The following MAML2 variants were observed in gnomAD, a reference collection of about 807,000 sequenced individuals.
The protein encoded by MAML2 is mastermind like transcriptional coactivator 2.
In MAML2, 22 loss-of-function variants were observed where a neutral mutation model predicts 96.1. That is an observed-to-expected ratio of 0.23 (90% confidence interval 0.16 to 0.33). The LOEUF (loss-of-function observed/expected upper bound fraction) is 0.33. Ranked by LOEUF, MAML2 falls within the 10% of genes least tolerant of loss-of-function variation. The pLI, the probability that MAML2 is intolerant of heterozygous loss-of-function variation, is 1.00. For missense variants in MAML2, 1,367 were observed against 1,392.4 expected, an observed-to-expected ratio of 0.98 and a Z score of 0.29; for synonymous variants, 561 against 521.3, an observed-to-expected ratio of 1.08 and a Z score of -1.04.
intron 1 of MAML2, among the ~76,000 whole-genome samples, chr11:96,203,734 C>CA (rs1591070770): frequency 6.6e-6 from 1 of 152,210 alleles, no homozygotes; most frequent in East Asian, 1.9e-4. Context: ...GAATCTGTAA[C>CA]ATACTTTGGA....
intron 1 of MAML2, among the ~76,000 whole-genome samples, chr11:96,237,880 T>C (rs1179790109): frequency 6.6e-6 from 1 of 152,260 alleles, no homozygotes; most frequent in African/African-American, 2.4e-5. Flanking sequence ...TTTGTTTGAA[T>C]GCATCCTGAC....
chr11:96,046,067 A>T (rs1167803499), intron 2 of MAML2, among the ~76,000 whole-genome samples: 1 of 152,176 alleles, frequency 6.6e-6, no homozygotes, highest in Non-Finnish European at 1.5e-5. Context: ...GCCTCCTGCC[A>T]TGCCAGCAGG....
intron 2 of MAML2, among the ~76,000 whole-genome samples, chr11:96,041,238 C>T (rs142522475): frequency 4.6e-5 from 7 of 151,994 alleles, no homozygotes; most frequent in African/African-American, 1.4e-4. Flanking sequence ...CACCAGTAAT[C>T]CCAGCACTTT....
rs1862634316 is a variant in MAML2, at chr11:96,254,536, G to C, written c.513+86847C>G. Among the ~76,000 whole-genome samples, 4 of 150,576 alleles carry C rather than the reference G, an allele frequency of 2.7e-5. 1 individual carries two copies. Among genetic ancestry groups the C allele is most frequent in the Non-Finnish European group, 5.9e-5 (4 of 67,802 alleles). Reference sequence around the variant, plus strand: ...TCAGCCAAATAGGTTTGAAAATCTTGACAAAAGGACGTTGATATTCTGGCT... The same window carrying C: ...TCAGCCAAATAGGTTTGAAAATCTTCACAAAAGGACGTTGATATTCTGGCT... On this transcript the variant is annotated intron_variant, in intron 1 of 4. Transcript: ENST00000524717.
chr11:96,336,357 A>T lies in MAML2; in HGVS notation c.513+5026T>A, dbSNP rs183613882. Among the ~76,000 whole-genome samples, 535 of 152,256 alleles carry T rather than the reference A, an allele frequency of 3.5e-3. 4 individuals carry two copies. Among genetic ancestry groups the T allele is most frequent in the African/African-American group, 0.012 (503 of 41,556 alleles). On this transcript the variant is annotated intron_variant, in intron 1 of 4. Transcript: ENST00000524717. ...TCTCTTCCTCTGATTTTTCTATATC[A>T]GTTTTGGTCCATTCTACCTGGTTAG...
At chr11:95,996,496 G>T (rs1430960599) in intron 2 of MAML2, among the ~76,000 whole-genome samples, 2 of 152,074 alleles carry the variant, frequency 1.3e-5, no homozygotes, top group East Asian at 1.9e-4. Context: ...ATTTGAAACT[G>T]GTGCTTGGGT....
chr11:96,266,109 C>T (rs1165785593), intron 1 of MAML2, among the ~76,000 whole-genome samples: 1 of 152,138 alleles, frequency 6.6e-6, no homozygotes, highest in African/African-American at 2.4e-5. Flanking sequence ...GTGTTGGAGC[C>T]CCACAGCCTG....
intron 1 of MAML2, among the ~76,000 whole-genome samples, chr11:96,197,730 A>C (rs1374129530): frequency 6.6e-6 from 1 of 152,208 alleles, no homozygotes; most frequent in African/African-American, 2.4e-5. Context: ...CTCAACAGGC[A>C]CATCATTAAA....
chr11:96,252,425 CTTTT>C (rs35604635), intron 1 of MAML2, among the ~76,000 whole-genome samples: 4 of 122,572 alleles, frequency 3.3e-5, no homozygotes, highest in Non-Finnish European at 3.3e-5. Flanking sequence ...TTGACTAACT[CTTTT>C]TTTTTTTTTT....
intron 1 of MAML2, among the ~76,000 whole-genome samples, chr11:96,226,221 AT>A (rs1862207980): frequency 6.6e-6 from 1 of 152,210 alleles, no homozygotes; most frequent in Non-Finnish European, 1.5e-5. Context: ...CAGGGAAAGA[AT>A]TTGGGTGGAA....
chr11:96,137,920 T>C (rs1860663029), intron 1 of MAML2, among the ~76,000 whole-genome samples: 1 of 152,198 alleles, frequency 6.6e-6, no homozygotes, highest in Admixed American at 6.5e-5. Flanking sequence ...TAATTCCCCC[T>C]TTCCATCCTT....
chr11:96,227,402 G>A (rs1862229119), intron 1 of MAML2, among the ~76,000 whole-genome samples: 2 of 152,170 alleles, frequency 1.3e-5, no homozygotes, highest in Admixed American at 1.3e-4. Flanking sequence ...CAGCTATACT[G>A]TAAGTTTCAT....
chr11:96,268,066 C>T (rs544326292), intron 1 of MAML2, among the ~76,000 whole-genome samples: 6 of 152,290 alleles, frequency 3.9e-5, no homozygotes, highest in Non-Finnish European at 5.9e-5. Context: ...CAGAAGGATG[C>T]CATCTCTGCT....
chr11:96,087,005 A>G (rs1859626697), intron 2 of MAML2, among the ~76,000 whole-genome samples: 1 of 152,198 alleles, frequency 6.6e-6, no homozygotes, highest in Admixed American at 6.5e-5. Context: ...TATTTCCTTA[A>G]TTTAGGCAGC....
chr11:96,149,882 G>C (rs2135876279), intron 1 of MAML2, among the ~76,000 whole-genome samples: 1 of 151,582 alleles, frequency 6.6e-6, no homozygotes, highest in East Asian at 1.9e-4. Flanking sequence ...TTCTTCCTTT[G>C]TCTCTGCCTG....
At chr11:96,009,222 C>T (rs1858231354) in intron 2 of MAML2, among the ~76,000 whole-genome samples, 1 of 152,196 alleles carries the variant, frequency 6.6e-6, no homozygotes, top group Non-Finnish European at 1.5e-5. Flanking sequence ...TATAGCAGTC[C>T]TTCTGCACCT....
At chr11:96,221,315 T>C (rs1397709091) in intron 1 of MAML2, among the ~76,000 whole-genome samples, 2 of 152,120 alleles carry the variant, frequency 1.3e-5, no homozygotes, top group African/African-American at 2.4e-5. Context: ...ATTAATAACT[T>C]TAAAGTCATT....
At chr11:96,300,772 G>A (rs557226654) in intron 1 of MAML2, among the ~76,000 whole-genome samples, 5 of 152,260 alleles carry the variant, frequency 3.3e-5, no homozygotes, top group East Asian at 1.9e-4. Context: ...CAGAGGCTTC[G>A]GACAATGAGC....
intron 1 of MAML2, among the ~76,000 whole-genome samples, chr11:96,331,039 G>T (rs1259535481): frequency 1.3e-5 from 2 of 152,188 alleles, no homozygotes; most frequent in African/African-American, 4.8e-5. Context: ...GGAGGCTGAG[G>T]TGGGTGGATC....
Sources: allele counts gnomAD v4.1 joint callset (sites outside exome capture counted in the v4.1 genomes callset), GRCh38; gene constraint gnomAD v4.1.1; transcripts MANE v1.5; gene names NCBI Gene and HGNC (gene_info 2026-07-23, HGNC 2026-07-21).